Variants in CBFA2T3 observed in about 807,000 individuals in gnomAD.
The protein encoded by CBFA2T3 is CBFA2/RUNX1 partner transcriptional co-repressor 3.
In CBFA2T3, 31 loss-of-function variants were observed where a neutral mutation model predicts 58.6. That is an observed-to-expected ratio of 0.53 (90% CI 0.40 to 0.71). The LOEUF is 0.71. CBFA2T3 is among the 30% of genes least tolerant of loss of function. The pLI, the probability that CBFA2T3 is intolerant of heterozygous loss-of-function variation, is 0.00. For missense variants in CBFA2T3, 1,076 were observed against 963.1 expected, an observed-to-expected ratio of 1.12 and a Z score of -1.55; for synonymous variants, 531 against 421.9, an observed-to-expected ratio of 1.26 and a Z score of -3.17.
At position 88,977,114 on chromosome 16, in the gene CBFA2T3, G is replaced by C. The variant is rs573980089; in HGVS notation, c.-307C>G. On this transcript the variant is annotated 5_prime_UTR_variant, in exon 1 of 12. Coordinates refer to ENST00000268679, the MANE Select transcript of CBFA2T3 (RefSeq NM_005187.6). ...CCAGCTGTGTCCCCGTGATAATGCC[G>C]GGGCCGGAGGCCTGCAGCTGCGCCC... 3.6e-3 allele frequency: 1,208 copies of C among 331,346 alleles called. 6 individuals are homozygous for C. Among genetic ancestry groups the C allele is most frequent in the Middle Eastern group, 5.5e-3 (7 of 1,266 alleles). The allele number at this position is 331,346 out of a possible 1,614,324, so 20.5% of individuals were successfully genotyped here. A position where few individuals can be genotyped will look rare whatever the true frequency, so the allele number is the denominator to read the frequency against.
At chr16:88,918,656 G>A (rs1970816666) in intron 1 of CBFA2T3, among the ~76,000 whole-genome samples, 1 of 152,264 alleles carries the variant, frequency 6.6e-6, no homozygotes, top group Non-Finnish European at 1.5e-5. Flanking sequence ...GGAGGGCTGA[G>A]CAGAGCTATG....
chr16:88,928,276 C>T (rs933674341), intron 1 of CBFA2T3, among the ~76,000 whole-genome samples: 4 of 152,190 alleles, frequency 2.6e-5, no homozygotes, highest in Non-Finnish European at 4.4e-5. Flanking sequence ...TTGTTGGGGG[C>T]GTTTCTGGGA....
chr16:88,885,192 G>C lies in CBFA2T3; in HGVS notation c.971C>G (p.Ala324Gly), dbSNP rs1969312396. 4 of 1,603,906 alleles carry C rather than the reference G, an allele frequency of 2.5e-6. No homozygotes were observed. Among genetic ancestry groups the C allele is most frequent in the Non-Finnish European group, 3.4e-6 (4 of 1,174,666 alleles). ...CCCGTTGCTGGGGCTGTAGCGCTGGGCAGGGTTCAGGGTGCATGGCCGTTT... is the reference window on the plus strand; with the variant it reads ...CCCGTTGCTGGGGCTGTAGCGCTGGCCAGGGTTCAGGGTGCATGGCCGTTT... ...LSKRPCTLNP[A>G]QRYSPSNGPP... is the part of the protein sequence containing the mutation. Residue 324 changes from alanine (A) to glycine (G), a missense_variant, in exon 7 of 12, where the codon GCC (alanine) becomes GGC (glycine). Transcript: ENST00000268679. The surrounding 1 kb of genome is among the most constrained non-coding windows in gnomAD (Gnocchi z 5.3).
intron 1 of CBFA2T3, among the ~76,000 whole-genome samples, chr16:88,907,762 T>C (rs777463891): frequency 2.0e-5 from 3 of 152,222 alleles, no homozygotes; most frequent in Non-Finnish European, 4.4e-5. Context: ...TGCCCATGAC[T>C]GACGGTGGCA....
chr16:88,913,005 T>C (rs1970578657), intron 1 of CBFA2T3, among the ~76,000 whole-genome samples: 1 of 152,264 alleles, frequency 6.6e-6, no homozygotes, highest in Non-Finnish European at 1.5e-5. Context: ...TTCCTGCTAA[T>C]GGCCTCGATT....
At chr16:88,883,095 T>G (rs1185672505) in intron 7 of CBFA2T3, among the ~76,000 whole-genome samples, 1 of 151,614 alleles carries the variant, frequency 6.6e-6, no homozygotes, top group Non-Finnish European at 1.5e-5. Flanking sequence ...GCGGTGGGGG[T>G]GGGGTGTGGA....
In CBFA2T3 at chr16:88,890,871, G is replaced by A. The variant is rs1020897892; in HGVS notation, c.711+1011C>T. 3.9e-5 allele frequency among the ~76,000 whole-genome samples: 6 copies of A among 152,206 alleles called. No homozygotes were observed. The East Asian group carries it at 5.8e-4, about 15-fold the overall frequency. On this transcript the variant is annotated intron_variant, in intron 5 of 11. Coordinates refer to ENST00000268679, the MANE Select transcript of CBFA2T3 (RefSeq NM_005187.6). ...AGCTGGGATCATAGGTGCATACAAC[G>A]CTCAGCTAATTTTTATATTTTTTGT...
At chr16:88,945,844 G>A (rs1426660098) in intron 1 of CBFA2T3, among the ~76,000 whole-genome samples, 1 of 152,166 alleles carries the variant, frequency 6.6e-6, no homozygotes, top group Non-Finnish European at 1.5e-5. Context: ...AAAAACTAAT[G>A]TCCACACAAA....
Position 88,930,395 on chromosome 16 carries a change from T to C in CBFA2T3, c.152-28739A>G, listed in dbSNP as rs139286679. ...ACAGCTGCATCGTCCACGCAAAAGC[T>C]ACCCATGCCCACAGCTGCATGGTCC... is the stretch of plus-strand genomic sequence containing the variant. On this transcript the variant is annotated intron_variant, in intron 1 of 11. Coordinates refer to ENST00000268679, the MANE Select transcript of CBFA2T3 (RefSeq NM_005187.6). Among the ~76,000 whole-genome samples the C allele has an allele frequency of 2.1e-3, 313 of 148,344 alleles. 19 individuals are homozygous for C. Among genetic ancestry groups the C allele is most frequent in the African/African-American group, 7.7e-3 (293 of 37,996 alleles).
intron 11 of CBFA2T3, 112 bp downstream of exon 11, chr16:88,879,158 C>G (rs763768966): frequency 8.7e-6 from 8 of 920,716 alleles, no homozygotes; most frequent in Non-Finnish European, 1.2e-5. Context: ...GCAGGATGCC[C>G]GTGACAACTG....
chr16:88,915,084 G>C (rs962665039), intron 1 of CBFA2T3, among the ~76,000 whole-genome samples: 2 of 151,404 alleles, frequency 1.3e-5, no homozygotes, highest in Admixed American at 1.3e-4. Context: ...TGGGGGTAGC[G>C]GGTCCCTTCT....
At chr16:88,888,588 T>G (rs1480934114) in intron 5 of CBFA2T3, among the ~76,000 whole-genome samples, 24 of 3,150 alleles carry the variant, frequency 7.6e-3, no homozygotes, top group Non-Finnish European at 1.0e-2. Flanking sequence ...GGGGGTGGGG[T>G]GGGGTGGGGT....
chr16:88,885,015 G>A lies in CBFA2T3; in HGVS notation c.1117+31C>T, dbSNP rs778476777. 1.6e-5 allele frequency: 24 copies of A among 1,529,386 alleles called. No homozygotes were observed. Among genetic ancestry groups the A allele is most frequent in the East Asian group, 6.9e-5 (3 of 43,584 alleles). The allele number at this position is 1,529,386 out of a possible 1,614,324, so 94.7% of individuals were successfully genotyped here. A position where few individuals can be genotyped will look rare whatever the true frequency, so the allele number is the denominator to read the frequency against. On this transcript the variant is annotated intron_variant, in intron 7 of 11. Transcript: ENST00000268679. The surrounding 1 kb of genome is among the most constrained non-coding windows in gnomAD (Gnocchi z 5.3). ...GCGCATGTGTGCTCCTGTAACACGCGTCCACGCTCCCGCCCCACCGGGCTG... is the reference window on the plus strand; with the variant it reads ...GCGCATGTGTGCTCCTGTAACACGCATCCACGCTCCCGCCCCACCGGGCTG...
chr16:88,884,612 C>CTGCTCTAGATACCAGCCA (rs1367682765), intron 7 of CBFA2T3: 1 of 163,008 alleles, frequency 6.1e-6, no homozygotes, highest in Admixed American at 6.4e-5. Flanking sequence ...TGCCCCTCTC[C>CTGCTCTAGATACCAGCCA]TGCTCTAGAT....
chr16:88,903,336 G>A (rs1436258178), intron 1 of CBFA2T3, among the ~76,000 whole-genome samples: 1 of 152,210 alleles, frequency 6.6e-6, no homozygotes, highest in Non-Finnish European at 1.5e-5. Context: ...GGCTCTAACC[G>A]GCCCCTGGTG....
intron 1 of CBFA2T3, among the ~76,000 whole-genome samples, chr16:88,923,569 G>A (rs1026790000): frequency 6.6e-5 from 10 of 152,256 alleles, no homozygotes; most frequent in Non-Finnish European, 1.2e-4. Flanking sequence ...CAACTGAGCC[G>A]TGAGGGGGCA....
intron 1 of CBFA2T3, among the ~76,000 whole-genome samples, chr16:88,967,669 G>A (rs536697039): frequency 2.8e-4 from 42 of 152,312 alleles, no homozygotes; most frequent in African/African-American, 8.9e-4. Context: ...CGGGGACGGC[G>A]TGCTGCCCTG....
chr16:88,877,853 G>C (rs1034425793), intron 11 of CBFA2T3, among the ~76,000 whole-genome samples: 2 of 152,244 alleles, frequency 1.3e-5, no homozygotes, highest in African/African-American at 4.8e-5. Flanking sequence ...CAAAGCCTGA[G>C]CATATTTCTT....
At chr16:88,918,554 G>A (rs1970813159) in intron 1 of CBFA2T3, among the ~76,000 whole-genome samples, 1 of 152,252 alleles carries the variant, frequency 6.6e-6, no homozygotes, top group African/African-American at 2.4e-5. Flanking sequence ...CAAGCGTGCG[G>A]CCCACCAACC....
Sources: gnomAD v4.1 joint callset for allele counts (sites outside exome capture counted in the v4.1 genomes callset) on GRCh38, gnomAD v4.1.1 for gene constraint, Gnocchi (gnomAD v3.1) non-coding constraint, MANE v1.5 for transcripts, NCBI Gene and HGNC (gene_info 2026-07-23, HGNC 2026-07-21) for gene names.